The following PTPN7 variants were observed in gnomAD, a reference collection of about 807,000 sequenced individuals.
PTPN7 encodes protein tyrosine phosphatase non-receptor type 7.
A neutral mutation model predicts 50.3 loss-of-function variants in PTPN7; 33 were observed. The ratio of observed to expected loss-of-function variants is 0.66; its 90% CI spans 0.50 to 0.88. PTPN7 has a LOEUF of 0.88. Among genes scored for constraint, PTPN7 ranks in the 40% least tolerant of loss-of-function variants. PTPN7 has a pLI of 0.00. For synonymous variants in PTPN7, 185 were observed against 186.6 expected (o/e 0.99, Z 0.07); for missense variants, 412 against 475.4 (o/e 0.87, Z 1.24).
rs1273440667 is a variant in PTPN7 at position 202,147,182 on chromosome 1, G to C, written c.*1424C>G. Reference sequence around the variant, plus strand: ...GAGCCCAGGGCAGGATCAGGCACTTGAGAGCCCCCCACCGAGCCTCATTGG... The same window carrying C: ...GAGCCCAGGGCAGGATCAGGCACTTCAGAGCCCCCCACCGAGCCTCATTGG... On this transcript the variant is annotated 3_prime_UTR_variant, in exon 10 of 10. Transcript: ENST00000691036. 2.0e-5 allele frequency: 3 copies of C among 152,020 alleles called. No homozygotes were observed. The highest frequency in any genetic ancestry group is 4.4e-5 in the Non-Finnish European group (3 of 68,064). The allele number at this position is 152,020 out of a possible 1,614,324, so 9.4% of individuals were successfully genotyped here.
Position 202,157,599 on chromosome 1 carries a change from T to G in PTPN7, c.391+140A>C, listed in dbSNP as rs1656818897. On this transcript the variant is annotated intron_variant, in intron 4 of 9. Transcript: ENST00000691036. The stretch of plus-strand genomic sequence containing the variant: ...TTGCTGCTGTTGTGATTCTTGCTCC[T>G]TCTTCCCCCTTTCTCTGCTGAGAGA... 4.1e-6 allele frequency: 3 copies of G among 723,378 alleles called. No homozygotes were observed. The South Asian group carries it at 5.5e-5, about 13-fold the overall frequency. The allele number at this position is 723,378 out of a possible 1,614,324, so 44.8% of individuals were successfully genotyped here.
Position 202,159,394 on chromosome 1 carries a change from T to C in PTPN7, c.9A>G (p.Gln3=). 1.2e-6 allele frequency: 2 copies of C among 1,614,200 alleles called. No homozygotes were observed. Among genetic ancestry groups the C allele is most frequent in the Non-Finnish European group, 1.7e-6 (2 of 1,180,030 alleles). The change falls in exon 2 of 10, where the codon CAA becomes CAG. Residue 3 remains glutamine (Q), a synonymous_variant. Coordinates refer to ENST00000691036, the MANE Select transcript of PTPN7 (RefSeq NM_002832.4). The surrounding 1 kb of genome is among the most constrained non-coding windows in gnomAD (Gnocchi z 4.6). MV[Q]AHGGRSRAQP... ...GTGCTCTGGAGCGCCCCCCATGGGC[T>C]TGGACCATGCTGAGGTGGGGTGCTG...
In PTPN7 at chr1:202,160,425, C is replaced by A; in HGVS notation, c.-53+120G>T. ...AGGTCTGTGAGCACCCATACCCCAG[C>A]CAGGCACTGTGGCGCCCCACTCGCC... On this transcript the variant is annotated intron_variant, in intron 1 of 9. Transcript: ENST00000691036. This position sits in a 1 kb window ranked among gnomAD's most constrained non-coding sequence, Gnocchi z 4.8. 9.4e-7 allele frequency: 1 copy of A among 1,061,798 alleles called. No homozygotes were observed. Among genetic ancestry groups the A allele is most frequent in the Non-Finnish European group, 1.4e-6 (1 of 734,580 alleles). The allele number at this position is 1,061,798 out of a possible 1,614,324, so 65.8% of individuals were successfully genotyped here.
upstream of PTPN7, chr1:202,160,918 C>T: frequency 2.1e-6 from 3 of 1,443,646 alleles, no homozygotes; most frequent in Non-Finnish European, 1.8e-6. The surrounding 1 kb of genome is among the most constrained non-coding windows in gnomAD (Gnocchi z 4.8). Flanking sequence ...TGACCCCCAG[C>T]TCTGTGCTGT....
At position 202,159,665 on chromosome 1, in the gene PTPN7, G is replaced by GTAAC; in HGVS notation, c.-52-212_-52-211insGTTA. The stretch of plus-strand genomic sequence containing the variant: ...CGGGGTAGAGTAACGGCAAGATAAA[G>GTAAC]GGTAGAGATTGTGGATGAAGATAGG... On this transcript the variant is annotated intron_variant, in intron 1 of 9. Transcript: ENST00000691036. This position sits in a 1 kb window ranked among gnomAD's most constrained non-coding sequence, Gnocchi z 4.6. 1 of 1,426,144 alleles carries GTAAC rather than the reference G, an allele frequency of 7.0e-7. No individual in the cohort carries two copies. Among genetic ancestry groups the GTAAC allele is most frequent in the South Asian group, 1.6e-5 (1 of 60,990 alleles). 88.3% of individuals were successfully genotyped at this position (1,426,144 alleles called of 1,614,324 possible). A position where few individuals can be genotyped will look rare whatever the true frequency, so the allele number is the denominator to read the frequency against.
At chr1:202,148,760 C>G in intron 9 of PTPN7, 61 bp from the exon 10 acceptor site, 2 of 1,424,370 alleles carry the variant, frequency 1.4e-6, no homozygotes, top group South Asian at 2.5e-5. Context: ...CTGAATGGCT[C>G]CAGTCAAACA....
rs754448734 is a variant in PTPN7, at chr1:202,154,315, G to A, written c.477C>T (p.Asp159=). Residue 159 remains aspartate (D), a synonymous_variant, in exon 6 of 10, where the codon GAC becomes GAT. Coordinates refer to ENST00000691036, the MANE Select transcript of PTPN7 (RefSeq NM_002832.4). The part of the protein sequence containing the change: ...YINANYIRGY[D]GKEKVYIATQ... ...TGGCAATGTAGACCTTCTCCTTCCC[G>A]TCATAGCCCTGGAAGGTGGAAGCAC... 5.3e-5 allele frequency: 85 copies of A among 1,612,254 alleles called. No homozygotes were observed. The highest frequency in any genetic ancestry group is 6.1e-5 in the Non-Finnish European group (72 of 1,179,100).
chr1:202,157,185 T>G (rs1449788573), intron 4 of PTPN7, among the ~76,000 whole-genome samples: 4 of 152,204 alleles, frequency 2.6e-5, no homozygotes, highest in African/African-American at 7.2e-5. Context: ...CAGTACCAAC[T>G]TCATGGGATT....
chr1:202,149,834 T>TC (rs1382217718), intron 9 of PTPN7: 1 of 144,022 alleles, frequency 6.9e-6, no homozygotes, highest in East Asian at 1.9e-4. Context: ...TTTTTGTTTT[T>TC]TTTTTTTTTT....
At chr1:202,148,796 C>G in intron 9 of PTPN7, 97 bp from the exon 10 acceptor site, 4 of 906,990 alleles carry the variant, frequency 4.4e-6, no homozygotes, top group Non-Finnish European at 6.5e-6. Flanking sequence ...TGGGAAAGTC[C>G]TGACTTTCTC....
chr1:202,152,785 C>T, intron 7 of PTPN7, 86 bp from the exon 8 acceptor site: 2 of 1,479,378 alleles, frequency 1.4e-6, no homozygotes, highest in Non-Finnish European at 1.9e-6. Flanking sequence ...AGGGCAAGGG[C>T]TGGAATTACC....
Position 202,157,755 on chromosome 1 carries a change from G to A in PTPN7, c.375C>T (p.Tyr125=), listed in dbSNP as rs746969309. 1.9e-6 allele frequency: 3 copies of A among 1,613,736 alleles called. No individual in the cohort carries two copies. Among genetic ancestry groups the A allele is most frequent in the African/African-American group, 1.3e-5 (1 of 74,914 alleles). Residue 125 remains tyrosine, a synonymous_variant, in exon 4 of 10, where the codon TAC becomes TAT. Transcript: ENST00000691036. The part of the protein sequence containing the change: ...DIPGHASKDR[Y]KTILPNPQSR... ...AGTTCTTACTTGGCAAGATGGTCTT[G>A]TATCGGTCCTTGGAGGCGTGGCCAG...
Position 202,158,719 on chromosome 1 carries a change from G to T in PTPN7, c.123-418C>A, listed in dbSNP as rs138604791. 86 of 165,712 alleles carry T rather than the reference G, an allele frequency of 5.2e-4. 1 individual carries two copies. The highest frequency in any genetic ancestry group is 1.9e-3 in the African/African-American group (81 of 41,542). 10.3% of individuals were successfully genotyped at this position (165,712 alleles called of 1,614,324 possible). On this transcript the variant is annotated intron_variant, in intron 2 of 9. Coordinates refer to ENST00000691036, the MANE Select transcript of PTPN7 (RefSeq NM_002832.4). Reference sequence around the variant, plus strand: ...GTTATAAGGCACCTCTGAGGGGGCCGCTCTTTATCTTTCCTTTAACCTGGT... The same window carrying T: ...GTTATAAGGCACCTCTGAGGGGGCCTCTCTTTATCTTTCCTTTAACCTGGT...
intron 7 of PTPN7, 128 bp downstream of exon 7, chr1:202,153,597 C>T (rs1226861511): frequency 1.4e-6 from 1 of 718,218 alleles, no homozygotes; most frequent in Non-Finnish European, 2.4e-6. Flanking sequence ...TCTCTTTCTG[C>T]TATAGATGTG....
Position 202,152,830 on chromosome 1 carries a change from T to C in PTPN7, c.718-131A>G. On this transcript the variant is annotated intron_variant, in intron 7 of 9. Coordinates refer to ENST00000691036, the MANE Select transcript of PTPN7 (RefSeq NM_002832.4). ...GGTCATCTACTCAAAGCAAGCTAGGTTGCAATTTTCGTGCTCATTGTTCTC... is the reference window on the plus strand; with the variant it reads ...GGTCATCTACTCAAAGCAAGCTAGGCTGCAATTTTCGTGCTCATTGTTCTC... 3 of 1,105,028 alleles carry C rather than the reference T, an allele frequency of 2.7e-6. No individual in the cohort carries two copies. In the South Asian group the frequency reaches 4.7e-5, roughly 17 times the overall value. The allele number at this position is 1,105,028 out of a possible 1,614,324, so 68.5% of individuals were successfully genotyped here.
chr1:202,154,305 T>G lies in PTPN7; in HGVS notation c.487A>C (p.Lys163Gln), dbSNP rs1452965204. Residue 163 changes from lysine to glutamine, a missense_variant, in exon 6 of 10, where the codon AAG becomes CAG. Transcript: ENST00000691036. Reference sequence around the variant, plus strand: ...GGGCCCTGGGTGGCAATGTAGACCTTCTCCTTCCCGTCATAGCCCTGGAAG... The same window carrying G: ...GGGCCCTGGGTGGCAATGTAGACCTGCTCCTTCCCGTCATAGCCCTGGAAG... The part of the protein sequence containing the change: ...NYIRGYDGKE[K>Q]VYIATQGPMP... 6.2e-7 allele frequency: 1 copy of G among 1,613,330 alleles called. No homozygotes were observed. Among genetic ancestry groups the G allele is most frequent in the Non-Finnish European group, 8.5e-7 (1 of 1,179,734 alleles).
intron 5 of PTPN7, 32 bp from the exon 6 acceptor site, chr1:202,154,355 G>A (rs778349537): frequency 1.3e-6 from 2 of 1,594,086 alleles, no homozygotes; most frequent in African/African-American, 1.3e-5. Flanking sequence ...GAAGGGGTGG[G>A]GAGCAGTGAG....
In PTPN7 at chr1:202,148,531, C is replaced by G; in HGVS notation, c.*75G>C. On this transcript the variant is annotated 3_prime_UTR_variant, in exon 10 of 10. Coordinates refer to ENST00000691036, the MANE Select transcript of PTPN7 (RefSeq NM_002832.4). ...ACCCAAGGGGTACCCCCAGATCACTCGGCCCACTTTCCCCAGACCCACCTT... is the reference window on the plus strand; with the variant it reads ...ACCCAAGGGGTACCCCCAGATCACTGGGCCCACTTTCCCCAGACCCACCTT... The G allele has an allele frequency of 9.5e-6, 13 of 1,369,090 alleles. No homozygotes were observed. Among genetic ancestry groups the G allele is most frequent in the Non-Finnish European group, 1.3e-5 (13 of 976,152 alleles). 84.8% of individuals were successfully genotyped at this position (1,369,090 alleles called of 1,614,324 possible).
At chr1:202,153,479 C>T (rs1332246181) in intron 7 of PTPN7, among the ~76,000 whole-genome samples, 1 of 152,234 alleles carries the variant, frequency 6.6e-6, no homozygotes, top group Admixed American at 6.5e-5. Context: ...TGGATCCTGC[C>T]TGTCCCCGCC....
Sources: gnomAD v4.1 joint callset for allele counts (sites outside exome capture counted in the v4.1 genomes callset) on GRCh38, gnomAD v4.1.1 for gene constraint, Gnocchi (gnomAD v3.1) non-coding constraint, MANE v1.5 for transcripts, NCBI Gene and HGNC (gene_info 2026-07-23, HGNC 2026-07-21) for gene names.